MEGF10: variants seen among roughly 807,000 people sequenced by gnomAD.
MEGF10 encodes the protein multiple EGF like domains 10, also known as multiple epidermal growth factor-like domains protein 10.
MEGF10 carries 86 observed loss-of-function variants against 147.5 expected under a neutral mutation model. That is an observed-to-expected ratio of 0.58 (90% confidence interval 0.49 to 0.70). The LOEUF (loss-of-function observed/expected upper bound fraction) is 0.70. MEGF10 is among the 30% of genes least tolerant of loss of function. The pLI is 0.00. For synonymous variants in MEGF10, 478 were observed against 525.5 expected (o/e 0.91, Z 1.24); for missense variants, 1,329 against 1,487.3 (o/e 0.89, Z 1.75).
At chr5:127,349,983 T>C (rs568342415) in intron 4 of MEGF10, among the ~76,000 whole-genome samples, 1 of 152,300 alleles carries the variant, frequency 6.6e-6, no homozygotes, top group Non-Finnish European at 1.5e-5. Context: ...GAATTATGTA[T>C]TCTTTTAATA....
chr5:127,301,297 A>G (rs1759757775), intron 1 of MEGF10, among the ~76,000 whole-genome samples: 1 of 152,204 alleles, frequency 6.6e-6, no homozygotes, highest in Non-Finnish European at 1.5e-5. Context: ...CATATATTAT[A>G]CTAAAGTGAG....
At chr5:127,301,981 C>A (rs1759793382) in intron 1 of MEGF10, among the ~76,000 whole-genome samples, 1 of 152,096 alleles carries the variant, frequency 6.6e-6, no homozygotes, top group Non-Finnish European at 1.5e-5. Flanking sequence ...TTTTGGAATA[C>A]AAAACAGTTA....
At chr5:127,349,314 A>T (rs572662908) in intron 4 of MEGF10, among the ~76,000 whole-genome samples, 2 of 152,122 alleles carry the variant, frequency 1.3e-5, no homozygotes, top group African/African-American at 4.8e-5. Flanking sequence ...AGTCTCTTCA[A>T]TTCATTGAAT....
chr5:127,300,742 C>T (rs1411923320), intron 1 of MEGF10, among the ~76,000 whole-genome samples: 1 of 152,172 alleles, frequency 6.6e-6, no homozygotes, highest in Non-Finnish European at 1.5e-5. Flanking sequence ...GGGCCTAGAG[C>T]TTTAAATACC....
the MEGF10 span, among the ~76,000 whole-genome samples, chr5:127,271,074 A>T: frequency 6.6e-6 from 1 of 152,326 alleles, no homozygotes; most frequent in African/African-American, 2.4e-5. Flanking sequence ...TTGGGTATAT[A>T]CCCAGTAATG....
intron 13 of MEGF10, 33 bp from the exon 14 acceptor site, chr5:127,433,330 T>A (rs771162986): frequency 8.9e-5 from 143 of 1,613,956 alleles, no homozygotes; most frequent in Non-Finnish European, 1.2e-4. Context: ...GCACTGCCTC[T>A]CACTCAGCCT....
intron 13 of MEGF10, among the ~76,000 whole-genome samples, 160 bp from the exon 14 acceptor site, chr5:127,433,203 G>T (rs1453074991): frequency 6.6e-6 from 1 of 152,198 alleles, no homozygotes; most frequent in East Asian, 1.9e-4. Flanking sequence ...TTAATGTTAT[G>T]ATACTGTGTA....
chr5:127,261,250 C>T, the MEGF10 span, among the ~76,000 whole-genome samples: 2 of 152,108 alleles, frequency 1.3e-5, no homozygotes, highest in Non-Finnish European at 2.9e-5. Flanking sequence ...CCCCTCAATC[C>T]AAATCCCCTT....
rs758284831 is a variant in MEGF10, at chr5:127,445,668, C to T, written c.2703C>T (p.Val901=). The change falls in exon 20 of 25, where the codon GTC becomes GTT. Residue 901 remains valine, a synonymous_variant. Transcript: ENST00000503335. ...TTACCTACACCCCTGCTATGAGGGT[C>T]GTCAATGCAGATTATACCATTTCAG... is the stretch of plus-strand genomic sequence containing the variant. ...PAVTYTPAMR[V]VNADYTISGT... 18 of 1,613,712 alleles carry T rather than the reference C, an allele frequency of 1.1e-5. No homozygotes were observed. The highest frequency in any genetic ancestry group is 3.3e-5 in the Admixed American group (2 of 59,992).
At chr5:127,432,583 C>T (rs897892814) in intron 13 of MEGF10, among the ~76,000 whole-genome samples, 4 of 152,144 alleles carry the variant, frequency 2.6e-5, no homozygotes, top group Middle Eastern at 3.2e-3. Flanking sequence ...ATTTCCAATA[C>T]GAATGTACAG....
intron 2 of MEGF10, among the ~76,000 whole-genome samples, chr5:127,332,922 T>C (rs919501899): frequency 2.0e-5 from 3 of 152,146 alleles, no homozygotes; most frequent in Non-Finnish European, 4.4e-5. Context: ...GTTTGTGAGA[T>C]GTTGTGAAAT....
At chr5:127,353,691 A>G (rs574490340) in intron 4 of MEGF10, among the ~76,000 whole-genome samples, 6 of 152,310 alleles carry the variant, frequency 3.9e-5, no homozygotes, top group African/African-American at 1.4e-4. Context: ...ATACTGCTGT[A>G]AAGGAAGGGA....
At position 127,398,804 on chromosome 5, in the gene MEGF10, TC is replaced by T. The variant is rs1764021491; in HGVS notation, c.780+10del. 6.2e-7 allele frequency: 1 copy of T among 1,613,198 alleles called. No individual in the cohort carries two copies. Among genetic ancestry groups the T allele is most frequent in the African/African-American group, 1.3e-5 (1 of 74,888 alleles). On this transcript the variant is annotated intron_variant, in intron 7 of 24. Transcript: ENST00000503335. ...TGCCCTTCTGGCTGGATGGTAAGCT[TC>T]CTTCCCACCTCCTCTGCCCCTGCCC...
intron 7 of MEGF10, 101 bp from the exon 8 acceptor site, chr5:127,402,445 C>T: frequency 1.5e-6 from 2 of 1,320,480 alleles, no homozygotes; most frequent in African/African-American, 1.5e-5. Context: ...CAGCCCTGTT[C>T]CCCATCCCTC....
At chr5:127,285,818 A>C (rs1580661451), upstream of MEGF10, among the ~76,000 whole-genome samples, 1 of 152,264 alleles carries the variant, frequency 6.6e-6, no homozygotes, top group South Asian at 2.1e-4. Flanking sequence ...TGGGTATTTA[A>C]TCAAAGGAAG....
chr5:127,247,439 A>G, the MEGF10 span, among the ~76,000 whole-genome samples: 18 of 116,534 alleles, frequency 1.5e-4, no homozygotes, highest in South Asian at 2.8e-4. Context: ...AAGAAGAAGA[A>G]GAAGAAGAAG....
At position 127,338,650 on chromosome 5, in the gene MEGF10, A is replaced by C. The variant is rs181290901; in HGVS notation, c.117-470A>C. Among the ~76,000 whole-genome samples the C allele has an allele frequency of 4.8e-4, 73 of 152,240 alleles. 1 individual carries two copies. The highest frequency in any genetic ancestry group is 1.7e-3 in the African/African-American group (71 of 41,578). ...TTATTCCAAGTTCCAACTAGAGAAA[A>C]ATATGTTCTTTCTGATATTTTAAGA... On this transcript the variant is annotated intron_variant, in intron 2 of 24. Coordinates refer to ENST00000503335, the MANE Select transcript of MEGF10 (RefSeq NM_001256545.2).
the MEGF10 span, among the ~76,000 whole-genome samples, chr5:127,239,330 G>A: frequency 6.7e-6 from 1 of 148,968 alleles, no homozygotes; most frequent in African/African-American, 2.5e-5. Context: ...ATTATATGCT[G>A]GTTGTATAAG....
chr5:127,397,525 A>G (rs531587282), intron 6 of MEGF10, among the ~76,000 whole-genome samples: 1 of 152,350 alleles, frequency 6.6e-6, no homozygotes, highest in South Asian at 2.1e-4. Context: ...CTCTTCCCTT[A>G]CTGAGAAAAT....
Sources: allele counts gnomAD v4.1 joint callset (sites outside exome capture counted in the v4.1 genomes callset), GRCh38; gene constraint gnomAD v4.1.1; transcripts MANE v1.5; gene names NCBI Gene and HGNC (gene_info 2026-07-23, HGNC 2026-07-21).